The following TANC1 variants were observed in gnomAD, a reference collection of about 807,000 sequenced individuals.
TANC1 encodes protein TANC1.
Under a neutral mutation model 149.7 loss-of-function variants are expected in TANC1, and 77 were observed. The observed-to-expected ratio is 0.51, with a 90% CI of 0.43 to 0.62. The LOEUF is 0.62. Among genes scored for constraint, TANC1 ranks in the 20% least tolerant of loss-of-function variants. TANC1 has a pLI of 0.00. For missense variants in TANC1, 1,985 were observed against 2,321.8 expected, an observed-to-expected ratio of 0.85 and a Z score of 2.98; for synonymous variants, 854 against 925.0, an observed-to-expected ratio of 0.92 and a Z score of 1.39.
At chr2:158,997,386 T>C (rs1298415459) in intron 1 of TANC1, among the ~76,000 whole-genome samples, 1 of 152,180 alleles carries the variant, frequency 6.6e-6, no homozygotes, top group Non-Finnish European at 1.5e-5. Flanking sequence ...AGGTTTAGCT[T>C]GACATAGATA....
At chr2:159,033,073 T>C (rs2039909626) in intron 2 of TANC1, among the ~76,000 whole-genome samples, 1 of 152,180 alleles carries the variant, frequency 6.6e-6, no homozygotes, top group South Asian at 2.1e-4. Context: ...ACAGCCTAAA[T>C]ATACTGAGCC....
At chr2:159,087,010 C>T (rs960864480) in intron 3 of TANC1, among the ~76,000 whole-genome samples, 4 of 151,944 alleles carry the variant, frequency 2.6e-5, no homozygotes, top group Admixed American at 1.3e-4. Context: ...AGAGAGCTTT[C>T]CTTGCCCAGC....
intron 4 of TANC1, among the ~76,000 whole-genome samples, chr2:159,125,639 G>A (rs2049367256): frequency 7.1e-6 from 1 of 140,066 alleles, no homozygotes; most frequent in Non-Finnish European, 1.5e-5. Flanking sequence ...GCCCAGGCTG[G>A]AGTGCAGTGT....
chr2:159,204,916 G>A (rs1268857419), intron 19 of TANC1, among the ~76,000 whole-genome samples: 8 of 152,202 alleles, frequency 5.3e-5, no homozygotes, highest in Non-Finnish European at 1.0e-4. Flanking sequence ...TTTGTGTAGC[G>A]CATTGAAGCA....
chr2:159,028,300 T>C (rs923792237), intron 2 of TANC1, among the ~76,000 whole-genome samples: 2 of 152,160 alleles, frequency 1.3e-5, no homozygotes, highest in Non-Finnish European at 2.9e-5. Context: ...TTTGTGTTTT[T>C]AGTAGAGACG....
rs35231270 is a variant in TANC1 at position 159,136,049 on chromosome 2, TGC to T, written c.260-133_260-132del. 422 of 91,368 alleles carry T rather than the reference TGC, an allele frequency of 4.6e-3. 71 individuals are homozygous for T. Among genetic ancestry groups the T allele is most frequent in the Non-Finnish European group, 6.1e-3 (294 of 48,108 alleles). The allele number at this position is 91,368 out of a possible 1,614,324, so 5.7% of individuals were successfully genotyped here. ...GTGTGTGTGTGTGTGTGTGTGTGTG[TGC>T]GCGCGCGCGCGTTTAAGGGAGGGGA... On this transcript the variant is annotated intron_variant, in intron 4 of 26. Coordinates refer to ENST00000263635, the MANE Select transcript of TANC1 (RefSeq NM_033394.3).
intron 1 of TANC1, among the ~76,000 whole-genome samples, chr2:158,975,012 A>G (rs2033464547): frequency 6.6e-6 from 1 of 151,104 alleles, no homozygotes; most frequent in African/African-American, 2.4e-5. Flanking sequence ...TGGCCTCTCA[A>G]AGTGCTGGGA....
Position 159,175,144 on chromosome 2 carries a change from C to A in TANC1, c.1695C>A (p.Phe565Leu). 6.2e-7 allele frequency: 1 copy of A among 1,614,154 alleles called. No individual in the cohort carries two copies. The highest frequency in any genetic ancestry group is 1.1e-5 in the South Asian group (1 of 91,076). The change falls in exon 12 of 27, where the codon TTC (phenylalanine) becomes TTA (leucine). Residue 565 changes from phenylalanine (F) to leucine (L), a missense_variant. Coordinates refer to ENST00000263635, the MANE Select transcript of TANC1 (RefSeq NM_033394.3). ...GTGTGCAGGACCCGGTGGCAGCTTT[C>A]AAGAGGGGAGTGCTGGAGCCACTCA... is the stretch of plus-strand genomic sequence containing the variant. ...RSCVQDPVAAFKRGVLEPLTN... is the reference protein window; with the variant it reads ...RSCVQDPVAALKRGVLEPLTN...
chr2:159,223,437 T>G lies in TANC1; in HGVS notation c.3679-795T>G, dbSNP rs551955387. The stretch of plus-strand genomic sequence containing the variant: ...CCATTCTAAAGATGAGGTTATTTGG[T>G]TTTTGTAGTTGGGTTGTAGTTCTTT... On this transcript the variant is annotated intron_variant, in intron 22 of 26. Coordinates refer to ENST00000263635, the MANE Select transcript of TANC1 (RefSeq NM_033394.3). 3.6e-3 allele frequency among the ~76,000 whole-genome samples: 551 copies of G among 152,294 alleles called. 11 individuals are homozygous for G. The highest frequency in any genetic ancestry group is 9.4e-4 in the Non-Finnish European group (64 of 68,026).
intron 4 of TANC1, among the ~76,000 whole-genome samples, chr2:159,101,144 T>C (rs1399167679): frequency 6.6e-6 from 1 of 152,104 alleles, no homozygotes; most frequent in Non-Finnish European, 1.5e-5. Flanking sequence ...CCCCTGCCAA[T>C]TCCTCTCTTG....
At chr2:158,987,977 A>G (rs926283750) in intron 1 of TANC1, among the ~76,000 whole-genome samples, 2 of 151,908 alleles carry the variant, frequency 1.3e-5, no homozygotes, top group South Asian at 2.1e-4. Context: ...ACCTTACTCT[A>G]ATTTTCCTCC....
At chr2:159,161,187 G>C (rs949694355) in intron 7 of TANC1, among the ~76,000 whole-genome samples, 9 of 152,196 alleles carry the variant, frequency 5.9e-5, no homozygotes, top group Non-Finnish European at 1.0e-4. Flanking sequence ...TGAGGTCCTA[G>C]TTAGGACTCA....
chr2:159,165,902 T>C (rs17422042), intron 8 of TANC1, among the ~76,000 whole-genome samples: 4,403 of 152,372 alleles, frequency 0.029, 86 homozygotes, highest in Non-Finnish European at 0.046. Flanking sequence ...AGGTCCTTTA[T>C]TGAGCTTGCT....
chr2:159,215,719 C>T (rs1461369956), intron 19 of TANC1, among the ~76,000 whole-genome samples: 2 of 152,190 alleles, frequency 1.3e-5, no homozygotes, highest in Non-Finnish European at 2.9e-5. Context: ...AGATGGCTGT[C>T]GTGGCACTCT....
chr2:159,087,254 T>G (rs901773997), intron 3 of TANC1, among the ~76,000 whole-genome samples: 1 of 152,306 alleles, frequency 6.6e-6, no homozygotes. Flanking sequence ...AAAACCATAA[T>G]GTCCCCACTG....
intron 2 of TANC1, among the ~76,000 whole-genome samples, chr2:159,042,205 C>T (rs1408790635): frequency 6.6e-6 from 1 of 152,194 alleles, no homozygotes; most frequent in African/African-American, 2.4e-5. Flanking sequence ...GAGGCCTCCA[C>T]CCAGCCTCGG....
chr2:159,100,608 C>T (rs2149941088), intron 4 of TANC1, among the ~76,000 whole-genome samples: 1 of 152,282 alleles, frequency 6.6e-6, no homozygotes, highest in Non-Finnish European at 1.5e-5. Flanking sequence ...ATAAACTAAG[C>T]AGATACATCT....
intron 4 of TANC1, among the ~76,000 whole-genome samples, chr2:159,134,730 C>T (rs867076789): frequency 2.0e-5 from 3 of 151,808 alleles, no homozygotes; most frequent in African/African-American, 7.3e-5. Flanking sequence ...ATGATCCACC[C>T]GCCTCGGCCT....
intron 7 of TANC1, among the ~76,000 whole-genome samples, chr2:159,159,336 G>A (rs145011183): frequency 2.6e-3 from 388 of 151,938 alleles, no homozygotes; most frequent in African/African-American, 9.0e-3. Context: ...CTACTTAGGG[G>A]GCTGAGGTGG....
Sources: allele counts gnomAD v4.1 joint callset (sites outside exome capture counted in the v4.1 genomes callset), GRCh38; gene constraint gnomAD v4.1.1; transcripts MANE v1.5; gene names NCBI Gene and HGNC (gene_info 2026-07-23, HGNC 2026-07-21).